DNAH12: variants seen among roughly 807,000 people sequenced by gnomAD.
DNAH12 encodes the protein axonemal beta dynein heavy chain 12.
Under a neutral mutation model 371.5 loss-of-function variants are expected in DNAH12, and 285 were observed. The observed-to-expected ratio is 0.77, with a 90% confidence interval of 0.70 to 0.85. DNAH12 has a LOEUF of 0.85. Ranked by LOEUF, DNAH12 falls within the 40% of genes least tolerant of loss-of-function variation. The pLI, the probability that DNAH12 is intolerant of heterozygous loss-of-function variation, is 0.00. For synonymous variants in DNAH12, 1,200 were observed against 1,213.0 expected (o/e 0.99, Z 0.22); for missense variants, 3,611 against 3,689.4 (o/e 0.98, Z 0.55).
At chr3:57,347,720 T>C (rs1347569534) in intron 60 of DNAH12, among the ~76,000 whole-genome samples, 14 of 106,920 alleles carry the variant, frequency 1.3e-4, no homozygotes, top group Non-Finnish European at 2.8e-4. Flanking sequence ...AGAATCTGTC[T>C]TAAAAAAAAA....
chr3:57,415,052 G>A (rs1466788506), intron 38 of DNAH12, among the ~76,000 whole-genome samples: 1 of 152,122 alleles, frequency 6.6e-6, no homozygotes, highest in African/African-American at 2.4e-5. Flanking sequence ...GACCATCCAG[G>A]AGGGTCTTGA....
chr3:57,367,970 T>TA (rs1245516964), intron 56 of DNAH12, 76 bp downstream of exon 56: 1 of 152,246 alleles, frequency 6.6e-6, no homozygotes, highest in African/African-American at 2.4e-5. Context: ...TAAATGTATG[T>TA]AGTAGGCTTC....
chr3:57,483,950 CAAA>C (rs71088079), intron 12 of DNAH12, among the ~76,000 whole-genome samples: 13 of 64,100 alleles, frequency 2.0e-4, no homozygotes, highest in African/African-American at 6.1e-4. Flanking sequence ...GACCCTGTCT[CAAA>C]AAAAAAAAAA....
At chr3:57,499,520 G>A (rs1322078204) in intron 11 of DNAH12, among the ~76,000 whole-genome samples, 2 of 148,728 alleles carry the variant, frequency 1.3e-5, no homozygotes, top group African/African-American at 5.0e-5. Flanking sequence ...CAGGCTGGGT[G>A]TGGTGGCTCA....
At chr3:57,412,369 G>T (rs1321626005) in intron 39 of DNAH12, among the ~76,000 whole-genome samples, 2 of 152,262 alleles carry the variant, frequency 1.3e-5, no homozygotes, top group Admixed American at 6.5e-5. Flanking sequence ...GATAGCAAAG[G>T]AGTAAACCTA....
intron 25 of DNAH12, 145 bp from the exon 26 acceptor site, chr3:57,446,834 T>C: frequency 4.6e-6 from 4 of 866,342 alleles, no homozygotes; most frequent in South Asian, 9.6e-5. Flanking sequence ...AGCCCAAATT[T>C]TTCTAGCTGC....
At chr3:57,482,743 TA>T (rs533532974) in intron 13 of DNAH12, among the ~76,000 whole-genome samples, 3,642 of 151,862 alleles carry the variant, frequency 0.024, 65 homozygotes, top group Non-Finnish European at 0.034. Context: ...TATGCAGCCA[TA>T]AAAAAGGATG....
chr3:57,343,703 T>C (rs999321626), intron 60 of DNAH12, among the ~76,000 whole-genome samples: 13 of 152,100 alleles, frequency 8.5e-5, no homozygotes, highest in African/African-American at 3.1e-4. Flanking sequence ...GGAAGGCCAC[T>C]GTCTCCTGCC....
At chr3:57,482,169 C>T (rs1238941707) in intron 13 of DNAH12, among the ~76,000 whole-genome samples, 3 of 152,010 alleles carry the variant, frequency 2.0e-5, no homozygotes, top group East Asian at 1.9e-4. Flanking sequence ...TGCAATCTAC[C>T]CATCTGACAA....
At chr3:57,397,171 T>C (rs2063759025) in intron 43 of DNAH12, among the ~76,000 whole-genome samples, 1 of 151,602 alleles carries the variant, frequency 6.6e-6, no homozygotes, top group Non-Finnish European at 1.5e-5. Flanking sequence ...AGCAAGATAA[T>C]GGGCTAGGAA....
intron 69 of DNAH12, among the ~76,000 whole-genome samples, chr3:57,302,558 TATATA>T (rs1311573224): frequency 9.9e-6 from 1 of 101,228 alleles, no homozygotes. Flanking sequence ...TATATATATA[TATATA>T]TGTATTTTTT....
intron 66 of DNAH12, among the ~76,000 whole-genome samples, chr3:57,313,666 G>A (rs2061626470): frequency 6.6e-6 from 1 of 152,002 alleles, no homozygotes; most frequent in Admixed American, 6.6e-5. Flanking sequence ...ACTTATCTGG[G>A]CATGGTGGCA....
At chr3:57,467,211 C>A (rs545193398) in intron 17 of DNAH12, among the ~76,000 whole-genome samples, 5 of 151,742 alleles carry the variant, frequency 3.3e-5, no homozygotes, top group African/African-American at 9.7e-5. Flanking sequence ...CTCTGCCTCC[C>A]GGGTTCAAAT....
intron 11 of DNAH12, chr3:57,498,252 A>T: frequency 2.2e-6 from 1 of 445,498 alleles, no homozygotes; most frequent in Non-Finnish European, 4.0e-6. Context: ...GATGTGGAAG[A>T]ACTGGAAATC....
chr3:57,294,529 C>CT, intron 73 of DNAH12, among the ~76,000 whole-genome samples: 1 of 152,206 alleles, frequency 6.6e-6, no homozygotes, highest in Non-Finnish European at 1.5e-5. Flanking sequence ...CAGGAATAGA[C>CT]TTTAAAGTTC....
intron 20 of DNAH12, 68 bp from the exon 21 acceptor site, chr3:57,458,288 C>A (rs1575629933): frequency 6.8e-7 from 1 of 1,462,304 alleles, no homozygotes; most frequent in East Asian, 2.5e-5. Flanking sequence ...AAATATCAAT[C>A]TATACTATAT....
intron 11 of DNAH12, among the ~76,000 whole-genome samples, chr3:57,497,122 A>G (rs902945527): frequency 6.6e-6 from 1 of 152,214 alleles, no homozygotes; most frequent in Non-Finnish European, 1.5e-5. Context: ...TTAAATACAC[A>G]CTATGGTCAT....
intron 53 of DNAH12, among the ~76,000 whole-genome samples, chr3:57,376,606 T>A (rs1404559490): frequency 2.6e-5 from 4 of 152,166 alleles, no homozygotes; most frequent in African/African-American, 9.6e-5. Context: ...TCAAGCCAGT[T>A]ATATCTTCCT....
At chr3:57,498,441 T>C (rs1215003120) in intron 11 of DNAH12, 2 of 706,878 alleles carry the variant, frequency 2.8e-6, no homozygotes, top group Non-Finnish European at 5.2e-6. Context: ...CTCAGCCTCC[T>C]GAGTAGCTGA....
Sources: gnomAD v4.1 joint callset for allele counts (sites outside exome capture counted in the v4.1 genomes callset) on GRCh38, gnomAD v4.1.1 for gene constraint, MANE v1.5 for transcripts, NCBI Gene and HGNC (gene_info 2026-07-23, HGNC 2026-07-21) for gene names.